SGCG: variants seen among roughly 807,000 people sequenced by gnomAD.
The protein encoded by SGCG is sarcoglycan gamma, also known as gamma-sarcoglycan.
Under a neutral mutation model 29.3 loss-of-function variants are expected in SGCG, and 26 were observed. The ratio of observed to expected loss-of-function variants is 0.89; its 90% CI spans 0.65 to 1.23. The LOEUF is 1.23. SGCG is among the 50% of genes most tolerant of loss of function. The pLI is 0.00. For synonymous variants in SGCG, 145 were observed against 129.7 expected (o/e 1.12, Z -0.80); for missense variants, 353 against 356.0 (o/e 0.99, Z 0.07).
chr13:23,202,942 T>C (rs920558495), intron 1 of SGCG, among the ~76,000 whole-genome samples: 1 of 152,098 alleles, frequency 6.6e-6, no homozygotes, highest in South Asian at 2.1e-4. Context: ...AAATGAATAA[T>C]TTTTTAAGTT....
intron 3 of SGCG, among the ~76,000 whole-genome samples, chr13:23,241,694 G>C (rs1879521387): frequency 6.6e-6 from 1 of 152,118 alleles, no homozygotes; most frequent in Admixed American, 6.6e-5. Flanking sequence ...CAATATTTCT[G>C]ATGAACACAA....
chr13:23,278,866 G>A (rs1009401255), intron 4 of SGCG, among the ~76,000 whole-genome samples: 10 of 152,202 alleles, frequency 6.6e-5, no homozygotes, highest in South Asian at 2.1e-4. Flanking sequence ...TGTTTTCCCC[G>A]TGGGGTAAGG....
intron 2 of SGCG, among the ~76,000 whole-genome samples, chr13:23,231,806 C>G (rs1879124660): frequency 6.6e-6 from 1 of 152,132 alleles, no homozygotes; most frequent in African/African-American, 2.4e-5. Context: ...CAAAATCTCC[C>G]AGTGCATCAC....
rs1041932359 is a variant in SGCG, at chr13:23,277,920, G to A, written c.386-1439G>A. Among the ~76,000 whole-genome samples the A allele has an allele frequency of 3.6e-4, 55 of 151,800 alleles. 1 individual carries two copies. Among genetic ancestry groups the A allele is most frequent in the Admixed American group, 3.1e-3 (48 of 15,270 alleles). On this transcript the variant is annotated intron_variant, in intron 4 of 7. Coordinates refer to ENST00000218867, the MANE Select transcript of SGCG (RefSeq NM_000231.3). ...TCACCGTGTTAGCCAGGATGGTCTC[G>A]ATCTCCTGACCTCATGATCCGCCTG... is the stretch of plus-strand genomic sequence containing the variant.
chr13:23,290,900 G>A (rs1881681076), intron 5 of SGCG, among the ~76,000 whole-genome samples: 1 of 152,168 alleles, frequency 6.6e-6, no homozygotes, highest in Admixed American at 6.5e-5. Context: ...AGAGTTATTT[G>A]CCGTTCAGTT....
chr13:23,184,781 G>C (rs926795330), intron 1 of SGCG, among the ~76,000 whole-genome samples: 1 of 152,114 alleles, frequency 6.6e-6, no homozygotes, highest in East Asian at 1.9e-4. Context: ...TCATTGCCTG[G>C]TGCCTTCCTC....
Position 23,279,472 on chromosome 13 carries a change from G to A in SGCG, c.499G>A (p.Val167Ile). The A allele has an allele frequency of 1.9e-6, 3 of 1,612,928 alleles. No homozygotes were observed. Among genetic ancestry groups the A allele is most frequent in the Middle Eastern group, 1.7e-4 (1 of 6,060 alleles). The change falls in exon 5 of 8, where the codon GTA (valine) becomes ATA (isoleucine). Residue 167 changes from valine (V) to isoleucine (I), a missense_variant. Coordinates refer to ENST00000218867, the MANE Select transcript of SGCG (RefSeq NM_000231.3). ...EVVVGTDKLR[V>I]TGPEGALFEH... ...TGTGGTTGGTACAGATAAACTTCGA[G>A]TAACTGGTATGTACTAACTCGAGAA...
At chr13:23,203,958 T>G in intron 2 of SGCG, 69 bp downstream of exon 2, 1 of 1,114,472 alleles carries the variant, frequency 9.0e-7, no homozygotes. Context: ...CTGTATTGTA[T>G]TGATAGGAGT....
intron 2 of SGCG, among the ~76,000 whole-genome samples, chr13:23,204,245 A>G (rs185463188): frequency 3.3e-5 from 5 of 152,284 alleles, no homozygotes; most frequent in South Asian, 2.1e-4. Context: ...TAATTTCATT[A>G]ATTCATAAAT....
chr13:23,314,367 G>T (rs1292598071), intron 6 of SGCG, among the ~76,000 whole-genome samples: 2 of 49,552 alleles, frequency 4.0e-5, no homozygotes, highest in Middle Eastern at 0.011. Context: ...TAAATGAAAT[G>T]ATGTCTGCTA....
chr13:23,276,980 C>T (rs187796977), intron 4 of SGCG, among the ~76,000 whole-genome samples: 2 of 152,318 alleles, frequency 1.3e-5, no homozygotes, highest in East Asian at 1.9e-4. Flanking sequence ...GAACCTTGTA[C>T]ATAAAAAGCA....
chr13:23,229,318 A>G (rs1879020632), intron 2 of SGCG, among the ~76,000 whole-genome samples: 1 of 152,220 alleles, frequency 6.6e-6, no homozygotes, highest in South Asian at 2.1e-4. Flanking sequence ...ATATCCAGTA[A>G]TGGGAGGATT....
chr13:23,320,426 C>T (rs1371756140), intron 6 of SGCG, among the ~76,000 whole-genome samples: 1 of 152,132 alleles, frequency 6.6e-6, no homozygotes, highest in African/African-American at 2.4e-5. Context: ...ATACTAATCT[C>T]ATAGGCTTTC....
chr13:23,172,214 A>T, the SGCG span, among the ~76,000 whole-genome samples: 6,785 of 152,258 alleles, frequency 0.045, 159 homozygotes, highest in Admixed American at 0.07. Context: ...CTCTAAGAAT[A>T]TGTGGTTTTC....
intron 5 of SGCG, among the ~76,000 whole-genome samples, chr13:23,292,102 A>G (rs1392860450): frequency 6.9e-6 from 1 of 144,290 alleles, no homozygotes; most frequent in Non-Finnish European, 1.5e-5. Context: ...TTTCAAAACA[A>G]TACATAACAT....
chr13:23,255,170 A>C (rs2137576472), intron 4 of SGCG, among the ~76,000 whole-genome samples: 1 of 152,274 alleles, frequency 6.6e-6, no homozygotes, highest in South Asian at 2.1e-4. Flanking sequence ...TGAGCCTGGA[A>C]AAGCCACCGG....
chr13:23,223,122 CA>C (rs1162997559), intron 2 of SGCG, among the ~76,000 whole-genome samples: 1 of 151,796 alleles, frequency 6.6e-6, no homozygotes, highest in African/African-American at 2.4e-5. Context: ...ATTAAAAATA[CA>C]AAAAACTAGC....
intron 4 of SGCG, among the ~76,000 whole-genome samples, chr13:23,255,910 T>A (rs576608120): frequency 2.0e-5 from 3 of 152,276 alleles, no homozygotes; most frequent in African/African-American, 7.2e-5. Flanking sequence ...GCTTACACCA[T>A]GAACCAAATG....
intron 5 of SGCG, among the ~76,000 whole-genome samples, chr13:23,291,076 G>A (rs1881688666): frequency 6.6e-6 from 1 of 152,180 alleles, no homozygotes; most frequent in African/African-American, 2.4e-5. Context: ...GAAGAATGGT[G>A]TTGTTTGAGT....
Sources: allele counts gnomAD v4.1 joint callset (sites outside exome capture counted in the v4.1 genomes callset), GRCh38; gene constraint gnomAD v4.1.1; transcripts MANE v1.5; gene names NCBI Gene and HGNC (gene_info 2026-07-23, HGNC 2026-07-21).